The following FNDC3A variants were observed in gnomAD, a reference collection of about 807,000 sequenced individuals.
FNDC3A encodes the protein fibronectin type-III domain-containing protein 3A.
A neutral mutation model predicts 148.9 loss-of-function variants in FNDC3A; 32 were observed. The observed-to-expected ratio is 0.21, with a 90% CI of 0.16 to 0.29. The LOEUF is 0.29. Among genes scored for constraint, FNDC3A ranks in the 10% least tolerant of loss-of-function variants. The pLI is 1.00. For missense variants in FNDC3A, 1,191 were observed against 1,452.8 expected (o/e 0.82, Z 2.93); for synonymous variants, 472 against 473.6 (o/e 1.00, Z 0.04).
At chr13:49,164,083 C>T (rs1884320018) in intron 8 of FNDC3A, among the ~76,000 whole-genome samples, 1 of 152,204 alleles carries the variant, frequency 6.6e-6, no homozygotes, top group African/African-American at 2.4e-5. Flanking sequence ...GTAATGCATT[C>T]CCTCAGCTTT....
intron 2 of FNDC3A, among the ~76,000 whole-genome samples, chr13:49,067,074 G>A (rs1289571013): frequency 2.0e-5 from 3 of 152,168 alleles, no homozygotes; most frequent in Admixed American, 1.3e-4. Context: ...GGGTAAAGAA[G>A]TAATAAATTG....
intron 2 of FNDC3A, among the ~76,000 whole-genome samples, chr13:49,020,518 C>G (rs1332541477): frequency 6.6e-6 from 1 of 152,250 alleles, no homozygotes; most frequent in Non-Finnish European, 1.5e-5. Flanking sequence ...ACGTCCTTCA[C>G]AGGTTTGCTG....
chr13:49,190,246 A>G (rs1346754637), intron 17 of FNDC3A, among the ~76,000 whole-genome samples: 1 of 152,228 alleles, frequency 6.6e-6, no homozygotes, highest in Non-Finnish European at 1.5e-5. Context: ...AAATATAAAT[A>G]TAGCATAGAA....
At chr13:49,175,271 CTT>C (rs1884970285) in intron 12 of FNDC3A, 94 bp from the exon 13 acceptor site, 5 of 741,596 alleles carry the variant, frequency 6.7e-6, no homozygotes, top group African/African-American at 1.8e-5. Flanking sequence ...ATTATCAAAA[CTT>C]GTCATTTTCC....
chr13:49,016,859 A>G (rs1375154389), intron 2 of FNDC3A, among the ~76,000 whole-genome samples: 1 of 150,466 alleles, frequency 6.6e-6, no homozygotes, highest in Non-Finnish European at 1.5e-5. Flanking sequence ...TTCGTTATGT[A>G]CCCAGTAGTC....
intron 2 of FNDC3A, among the ~76,000 whole-genome samples, chr13:49,064,814 A>G (rs1004762056): frequency 6.6e-6 from 1 of 152,170 alleles, no homozygotes; most frequent in Admixed American, 6.5e-5. Flanking sequence ...TGACCACATA[A>G]CATACAGGGT....
At chr13:49,081,108 GC>G (rs1340506091) in intron 3 of FNDC3A, among the ~76,000 whole-genome samples, 1 of 152,152 alleles carries the variant, frequency 6.6e-6, no homozygotes, top group East Asian at 1.9e-4. Flanking sequence ...AACAGTTGTA[GC>G]TAAAAACCCT....
chr13:49,201,958 C>G lies in FNDC3A; in HGVS notation c.3146C>G (p.Ala1049Gly). Residue 1049 changes from alanine (A) to glycine (G), a missense_variant, in exon 24 of 26, where the codon GCC (alanine) becomes GGC (glycine). Ala to Gly is a moderately conservative substitution (Grantham distance 60). This residue lies in a region of FNDC3A where 751 missense variants were observed against 944.0 expected (regional missense o/e 0.80). Coordinates refer to ENST00000492622, the MANE Select transcript of FNDC3A (RefSeq NM_001079673.2). ...ACTACTCCAAAATCTGTCCCAGCTGCCTTGAAAGGTAAGTTATACATCCTG... is the reference window on the plus strand; with the variant it reads ...ACTACTCCAAAATCTGTCCCAGCTGGCTTGAAAGGTAAGTTATACATCCTG... The part of the protein sequence containing the change: ...IFTTPKSVPA[A>G]LKAPKIEKVN... The G allele has an allele frequency of 6.5e-7, 1 of 1,549,930 alleles. No homozygotes were observed. Among genetic ancestry groups the G allele is most frequent in the Non-Finnish European group, 8.7e-7 (1 of 1,152,268 alleles).
At chr13:49,149,895 C>T (rs372306719) in intron 8 of FNDC3A, among the ~76,000 whole-genome samples, 12 of 152,248 alleles carry the variant, frequency 7.9e-5, no homozygotes, top group African/African-American at 2.6e-4. Flanking sequence ...TTTTCTATTT[C>T]TCGCTGATTG....
chr13:49,175,148 T>C (rs1429954351), intron 12 of FNDC3A, among the ~76,000 whole-genome samples: 1 of 152,182 alleles, frequency 6.6e-6, no homozygotes, highest in Non-Finnish European at 1.5e-5. Context: ...ATATAAAGGC[T>C]TACAAATCTG....
chr13:49,131,904 A>G lies in FNDC3A; in HGVS notation c.490+530A>G, dbSNP rs117358006. Among the ~76,000 whole-genome samples the G allele has an allele frequency of 4.7e-3, 720 of 152,350 alleles. 4 individuals are homozygous for G. The highest frequency in any genetic ancestry group is 0.014 in the Middle Eastern group (4 of 294). ...TCCCATAGCTTTAAACACTGCCTTA[A>G]ACAGTGCCAGACTTATTCCTGACTG... On this transcript the variant is annotated intron_variant, in intron 5 of 25. Transcript: ENST00000492622.
At chr13:49,147,197 C>G (rs1883042900) in intron 8 of FNDC3A, among the ~76,000 whole-genome samples, 1 of 152,096 alleles carries the variant, frequency 6.6e-6, no homozygotes, top group Non-Finnish European at 1.5e-5. Flanking sequence ...AGGTTTCTTA[C>G]TATGTTAATG....
rs764214776 is a variant in FNDC3A at position 49,131,280 on chromosome 13, A to G, written c.396A>G (p.Pro132=). Residue 132 remains proline, a synonymous_variant, in exon 5 of 26, where the codon CCA becomes CCG. Transcript: ENST00000492622. ...FIPVPTMMPP[P]PRHMYSPVTG... ...CTGTCCCAACTATGATGCCGCCTCC[A>G]CCACGTCATATGTACTCACCCGTGA... 6.2e-7 allele frequency: 1 copy of G among 1,614,002 alleles called. No individual in the cohort carries two copies. Among genetic ancestry groups the G allele is most frequent in the South Asian group, 1.1e-5 (1 of 91,066 alleles).
chr13:49,166,882 G>A (rs1452419562), intron 8 of FNDC3A, among the ~76,000 whole-genome samples: 1 of 152,106 alleles, frequency 6.6e-6, no homozygotes, highest in African/African-American at 2.4e-5. Flanking sequence ...TGGCAATTTT[G>A]CTTTCAACAG....
intron 4 of FNDC3A, among the ~76,000 whole-genome samples, chr13:49,118,753 G>T (rs1468497822): frequency 3.9e-5 from 6 of 152,210 alleles, no homozygotes; most frequent in Non-Finnish European, 8.8e-5. Flanking sequence ...CTGGAACTGG[G>T]CAGAGCCCAC....
chr13:49,123,145 CAG>C (rs1881469838), intron 4 of FNDC3A, among the ~76,000 whole-genome samples: 1 of 152,128 alleles, frequency 6.6e-6, no homozygotes, highest in East Asian at 1.9e-4. Context: ...GGTACCAAAA[CAG>C]ATATATAGAC....
At position 49,006,073 on chromosome 13, in the gene FNDC3A, A is replaced by G. The variant is rs1005524333; in HGVS notation, c.-39-79A>G. 9.8e-6 allele frequency: 5 copies of G among 508,744 alleles called. No homozygotes were observed. The South Asian group carries it at 1.5e-4, about 15-fold the overall frequency. The allele number at this position is 508,744 out of a possible 1,614,324, so 31.5% of individuals were successfully genotyped here. A position where few individuals can be genotyped will look rare whatever the true frequency, so the allele number is the denominator to read the frequency against. On this transcript the variant is annotated intron_variant, in intron 1 of 25. Coordinates refer to ENST00000492622, the MANE Select transcript of FNDC3A (RefSeq NM_001079673.2). Reference sequence around the variant, plus strand: ...CAAGAATATCTCTTTAGGTTAAAGAATGAAACATCTTGAATGTACAATGTT... The same window carrying G: ...CAAGAATATCTCTTTAGGTTAAAGAGTGAAACATCTTGAATGTACAATGTT...
chr13:49,103,601 A>C (rs1322995943), intron 3 of FNDC3A, among the ~76,000 whole-genome samples: 1 of 152,242 alleles, frequency 6.6e-6, no homozygotes, highest in Non-Finnish European at 1.5e-5. Context: ...TTAGGAGAAT[A>C]CTGGAATAGT....
At chr13:49,120,775 A>G (rs1003092137) in intron 4 of FNDC3A, among the ~76,000 whole-genome samples, 1 of 152,238 alleles carries the variant, frequency 6.6e-6, no homozygotes, top group South Asian at 2.1e-4. Flanking sequence ...TAAAGGGATC[A>G]GTGCAACCAG....
Sources: gnomAD v4.1 joint callset for allele counts (sites outside exome capture counted in the v4.1 genomes callset) on GRCh38, gnomAD v4.1.1 for gene constraint, gnomAD v4.1.1 regional missense constraint, MANE v1.5 for transcripts, NCBI Gene and HGNC (gene_info 2026-07-23, HGNC 2026-07-21) for gene names.